The following RADX variants were observed in gnomAD, a reference collection of about 807,000 sequenced individuals.
RADX encodes RPA1 related single stranded DNA binding protein, X-linked.
A neutral mutation model predicts 61.6 loss-of-function variants in RADX; 36 were observed. That is an observed-to-expected ratio of 0.58 (90% CI 0.45 to 0.77). The LOEUF is 0.77. Ranked by LOEUF, RADX falls within the 30% of genes least tolerant of loss-of-function variation. The pLI is 0.00. For missense variants in RADX, 497 were observed against 651.1 expected (o/e 0.76, Z 2.58); for synonymous variants, 272 against 237.9 (o/e 1.14, Z -1.32).
chrX:106,639,615 G>C lies in RADX; in HGVS notation c.1662G>C (p.Gly554=). The C allele has an allele frequency of 8.3e-7, 1 of 1,204,494 alleles. No homozygotes were observed. The highest frequency in any genetic ancestry group is 1.1e-6 in the Non-Finnish European group (1 of 891,109). Residue 554 remains glycine, a synonymous_variant, in exon 9 of 14, where the codon GGG becomes GGC. Coordinates refer to ENST00000372548, the MANE Select transcript of RADX (RefSeq NM_018015.6). ...AACAAAAGCGCATTGCAATTCAGGG[G>C]ATAATTACTGCTATAAAGTATATCC... The part of the protein sequence containing the change: ...YREQKRIAIQ[G]IITAIKYIPH...
chrX:106,616,502 A>AT (rs1193056355), intron 1 of RADX, among the ~76,000 whole-genome samples: 2 of 111,856 alleles, frequency 1.8e-5, no homozygotes, highest in African/African-American at 6.5e-5. Context: ...CTTGGTTCAT[A>AT]TATTTCCTTG....
chrX:106,613,159 G>A (rs1280096503), intron 1 of RADX, among the ~76,000 whole-genome samples: 2 of 112,108 alleles, frequency 1.8e-5, no homozygotes, highest in Non-Finnish European at 3.8e-5. Context: ...AAAATTTGCG[G>A]GTTTGCATGT....
intron 11 of RADX, among the ~76,000 whole-genome samples, chrX:106,656,650 A>T (rs894311773): frequency 1.9e-4 from 21 of 111,171 alleles, no homozygotes; most frequent in Non-Finnish European, 3.6e-4. Context: ...ACAACATTGA[A>T]CTCCTTGATG....
At chrX:106,678,065 A>T in intron 13 of RADX, 63 bp from the exon 14 acceptor site, 1 of 776,915 alleles carries the variant, frequency 1.3e-6, no homozygotes, top group South Asian at 2.8e-5. Context: ...AGCTTATGTG[A>T]TACTAAAGTC....
Position 106,636,677 on chromosome X carries a change from A to T in RADX, c.1408+30A>T, listed in dbSNP as rs759346080. ...GTAATTTCTTTGTGTATATTATTAG[A>T]AATATATTTTCTCTTCCCTAGAATC... On this transcript the variant is annotated intron_variant, in intron 7 of 13. Coordinates refer to ENST00000372548, the MANE Select transcript of RADX (RefSeq NM_018015.6). 3 of 854,140 alleles carry T rather than the reference A, an allele frequency of 3.5e-6. No individual in the cohort carries two copies. In the South Asian group the frequency reaches 7.2e-5, roughly 21 times the overall value. The allele number at this position is 854,140 out of a possible 1,213,427, so 70.4% of individuals were successfully genotyped here.
intron 3 of RADX, among the ~76,000 whole-genome samples, chrX:106,629,745 G>A (rs906402643): frequency 5.4e-5 from 6 of 110,916 alleles, no homozygotes; most frequent in Non-Finnish European, 3.8e-5. Flanking sequence ...AAAATTATAG[G>A]TCAGCTTCAG....
Position 106,612,611 on chromosome X carries a change from A to G in RADX, c.531A>G (p.Pro177=), listed in dbSNP as rs775057246. ...GAAATAGAGCGCACCAGGAGAAACC[A>G]GAGAGGCCTTTAAGAGGCGGGAAGA... The part of the protein sequence containing the change: ...PFRNRAHQEK[P]ERPLRGGKSH... Residue 177 remains proline, a synonymous_variant, in exon 1 of 14, where the codon CCA becomes CCG. Coordinates refer to ENST00000372548, the MANE Select transcript of RADX (RefSeq NM_018015.6). 24 of 1,209,477 alleles carry G rather than the reference A, an allele frequency of 2.0e-5. No individual in the cohort carries two copies. The highest frequency in any genetic ancestry group is 2.3e-4 in the Middle Eastern group (1 of 4,370).
chrX:106,633,141 G>C lies in RADX; in HGVS notation c.1192G>C (p.Asp398His), dbSNP rs1396371882. 1.7e-6 allele frequency: 2 copies of C among 1,203,637 alleles called. No individual in the cohort carries two copies. Among genetic ancestry groups the C allele is most frequent in the Admixed American group, 4.4e-5 (2 of 45,924 alleles). ...TTCTATCCATATAGAAAACCGTGAA[G>C]ATTTTTGGTCATATCGCTGGATTCA... ...QRSKKKENRE[D>H]FWSYRWIHIA... is the part of the protein sequence containing the mutation. Residue 398 changes from aspartate (D) to histidine (H), a missense_variant, in exon 6 of 14, where the codon GAT (aspartate) becomes CAT (histidine). By Grantham distance (81) the Asp-to-His change is moderately conservative. Transcript: ENST00000372548.
intron 10 of RADX, among the ~76,000 whole-genome samples, chrX:106,641,193 A>G (rs1482050795): frequency 9.0e-6 from 1 of 110,656 alleles, no homozygotes; most frequent in African/African-American, 3.3e-5. Flanking sequence ...ATTTCCAAAT[A>G]AGGTCATATT....
intron 12 of RADX, among the ~76,000 whole-genome samples, chrX:106,664,906 T>C (rs927016353): frequency 2.7e-5 from 3 of 111,505 alleles, no homozygotes; most frequent in African/African-American, 9.8e-5. Flanking sequence ...TTGAAAACTC[T>C]ATGCTTTAAG....
intron 13 of RADX, 66 bp downstream of exon 13, chrX:106,669,396 G>T: frequency 2.7e-6 from 2 of 743,668 alleles, no homozygotes; most frequent in Non-Finnish European, 3.9e-6. Flanking sequence ...CTAGCCTTAA[G>T]ATTTTATTAT....
chrX:106,656,530 A>G (rs756921622), intron 11 of RADX, among the ~76,000 whole-genome samples: 12 of 112,090 alleles, frequency 1.1e-4, no homozygotes, highest in Non-Finnish European at 2.3e-4. Context: ...AGGAATCACT[A>G]TGGTAGCTAT....
At chrX:106,619,054 G>A (rs1418316085) in intron 1 of RADX, among the ~76,000 whole-genome samples, 1 of 108,928 alleles carries the variant, frequency 9.2e-6, no homozygotes, top group African/African-American at 3.3e-5. Flanking sequence ...TACTTTTGCG[G>A]GATTAAAATT....
intron 1 of RADX, among the ~76,000 whole-genome samples, chrX:106,617,393 A>G (rs1257120978): frequency 9.0e-6 from 1 of 111,167 alleles, no homozygotes. Context: ...GTTTATTATT[A>G]TACCAGGTTT....
intron 12 of RADX, among the ~76,000 whole-genome samples, chrX:106,665,395 C>T (rs752223960): frequency 2.7e-5 from 3 of 112,059 alleles, no homozygotes. Context: ...TTGAAAAAAA[C>T]TTTATGTACA....
rs933279034 is a variant in RADX at position 106,622,849 on chromosome X, C to T, written c.786+56C>T. On this transcript the variant is annotated intron_variant, in intron 2 of 13. Coordinates refer to ENST00000372548, the MANE Select transcript of RADX (RefSeq NM_018015.6). ...TAAAAGTTATAAATTATAGCTTACA[C>T]ACCTCACTCCATAGTATGATAACCT... 6.0e-6 allele frequency: 4 copies of T among 664,750 alleles called. No homozygotes were observed. In the Admixed American group the frequency reaches 1.2e-4, roughly 20 times the overall value. The allele number at this position is 664,750 out of a possible 1,213,427, so 54.8% of individuals were successfully genotyped here.
At position 106,676,148 on chromosome X, in the gene RADX, A is replaced by C. The variant is rs1382406506; in HGVS notation, c.2438-1980A>C. 3.6e-5 allele frequency among the ~76,000 whole-genome samples: 4 copies of C among 112,381 alleles called. No individual in the cohort carries two copies. The East Asian group carries it at 1.1e-3, about 31-fold the overall frequency. On this transcript the variant is annotated intron_variant, in intron 13 of 13. Coordinates refer to ENST00000372548, the MANE Select transcript of RADX (RefSeq NM_018015.6). ...GTTATCATCAGATCTCAAGATCTTG[A>C]AATCTTTCCAAAGCATCTGGATTAA... is the stretch of plus-strand genomic sequence containing the variant.
At chrX:106,627,018 A>T (rs763652489) in intron 3 of RADX, among the ~76,000 whole-genome samples, 1 of 112,418 alleles carries the variant, frequency 8.9e-6, no homozygotes, top group East Asian at 2.8e-4. Context: ...AGGAATGTAT[A>T]TGGCAATATT....
chrX:106,653,502 A>G (rs1215659305), intron 11 of RADX, among the ~76,000 whole-genome samples: 1 of 97,523 alleles, frequency 1.0e-5, no homozygotes, highest in Non-Finnish European at 2.1e-5. Flanking sequence ...TAATGGGATT[A>G]TGTTTTATTT....
Sources: gnomAD v4.1 joint callset for allele counts (sites outside exome capture counted in the v4.1 genomes callset) on GRCh38, gnomAD v4.1.1 for gene constraint, MANE v1.5 for transcripts, NCBI Gene and HGNC (gene_info 2026-07-23, HGNC 2026-07-21) for gene names.